WNT9B: variants seen among roughly 807,000 people sequenced by gnomAD.
WNT9B encodes Wnt family member 9B.
WNT9B carries 12 observed loss-of-function variants against 30.2 expected under a neutral mutation model. That is an observed-to-expected ratio of 0.40 (90% CI 0.26 to 0.64). The LOEUF is 0.64. Among genes scored for constraint, WNT9B ranks in the 30% least tolerant of loss-of-function variants. WNT9B has a pLI of 0.42. For synonymous variants in WNT9B, 218 were observed against 216.9 expected (o/e 1.01, Z -0.05); for missense variants, 442 against 485.2 (o/e 0.91, Z 0.84).
intron 1 of WNT9B, among the ~76,000 whole-genome samples, chr17:46,839,918 T>TTC (rs1184271191): frequency 5.3e-5 from 4 of 76,100 alleles, no homozygotes; most frequent in African/African-American, 1.1e-4. Context: ...TCTCTTTTCT[T>TTC]TCTTTCTTTC....
In WNT9B at chr17:46,851,731, G is replaced by T; in HGVS notation, c.77+16G>T. The stretch of plus-strand genomic sequence containing the variant: ...CCTACTTCGGGTCAGTGCCCGCCGC[G>T]CCCCCCGCCCGCTCCCCGGCCTGCC... On this transcript the variant is annotated intron_variant, in intron 1 of 3. Transcript: ENST00000290015. This position sits in a 1 kb window ranked among gnomAD's most constrained non-coding sequence, Gnocchi z 4.3. The T allele has an allele frequency of 8.0e-7, 1 of 1,248,750 alleles. No individual in the cohort carries two copies. Among genetic ancestry groups the T allele is most frequent in the Non-Finnish European group, 1.0e-6 (1 of 994,254 alleles). The allele number at this position is 1,248,750 out of a possible 1,614,324, so 77.4% of individuals were successfully genotyped here.
At chr17:46,856,907 C>T (rs866094024) in intron 1 of WNT9B, among the ~76,000 whole-genome samples, 3 of 152,200 alleles carry the variant, frequency 2.0e-5, no homozygotes, top group African/African-American at 7.2e-5. Flanking sequence ...CTTTGTTCCT[C>T]TTTGCAATCA....
At chr17:46,874,419 C>T (rs2085308230) in intron 2 of WNT9B, among the ~76,000 whole-genome samples, 1 of 152,138 alleles carries the variant, frequency 6.6e-6, no homozygotes, top group Non-Finnish European at 1.5e-5. Context: ...CAGGTTTAGC[C>T]CCAACTGTGC....
At chr17:46,886,589 T>C (rs2085491513) in exon 5 of WNT9B, 1 of 152,020 alleles carries the variant, frequency 6.6e-6, no homozygotes, top group Non-Finnish European at 1.5e-5. Flanking sequence ...CTGTAACCAA[T>C]TAAGCTGTAT....
At chr17:46,841,673 G>A (rs536475946) in intron 1 of WNT9B, among the ~76,000 whole-genome samples, 94 of 152,316 alleles carry the variant, frequency 6.2e-4, no homozygotes, top group African/African-American at 2.2e-3. Flanking sequence ...GGGCTGGCCG[G>A]GAGCAGGACC....
At position 46,879,693 on chromosome 17, in the gene WNT9B, A is replaced by C. The variant is rs1478916985; in HGVS notation, c.*2975A>C. On this transcript the variant is annotated 3_prime_UTR_variant, in exon 4 of 4. Transcript: ENST00000290015. The stretch of plus-strand genomic sequence containing the variant: ...ATGAATATTTACTGAACATCTCCAT[A>C]GACCAGGCACTACGGGCTGACCTGC... 6.6e-6 allele frequency among the ~76,000 whole-genome samples: 1 copy of C among 152,268 alleles called. No homozygotes were observed. Among genetic ancestry groups the C allele is most frequent in the Non-Finnish European group, 1.5e-5 (1 of 68,046 alleles).
rs934878297 is a variant in WNT9B, at chr17:46,851,710, C to T, written c.72C>T (p.Tyr24=). Residue 24 remains tyrosine, a synonymous_variant, in exon 1 of 4, where the codon TAC becomes TAT. Transcript: ENST00000290015. The surrounding 1 kb of genome is among the most constrained non-coding windows in gnomAD (Gnocchi z 4.3). ...CGCTGCCCGCCGCCGCCGCCTCCTA[C>T]TTCGGGTCAGTGCCCGCCGCGCCCC... The part of the protein sequence containing the change: ...LLALPAAAAS[Y]FGLTGREVLT... 9.2e-6 allele frequency: 12 copies of T among 1,308,050 alleles called. No homozygotes were observed. The highest frequency in any genetic ancestry group is 1.2e-5 in the Non-Finnish European group (12 of 1,032,802). 81.0% of individuals were successfully genotyped at this position (1,308,050 alleles called of 1,614,324 possible). A position where few individuals can be genotyped will look rare whatever the true frequency, so the allele number is the denominator to read the frequency against.
chr17:46,858,981 T>TC (rs2084987517), intron 1 of WNT9B, among the ~76,000 whole-genome samples: 2 of 150,336 alleles, frequency 1.3e-5, no homozygotes, highest in Admixed American at 6.6e-5. Context: ...ATTTTAGCTT[T>TC]TTTTTTTTTT....
Position 46,869,102 on chromosome 17 carries a change from C to A in WNT9B, c.78-3415C>A, listed in dbSNP as rs141453669. On this transcript the variant is annotated intron_variant, in intron 1 of 3. Coordinates refer to ENST00000290015, the MANE Select transcript of WNT9B (RefSeq NM_003396.3). ...GGGTTCCCGAGGCAGTGCCAGGGAG[C>A]CTTCTTTGAGAGCAGCCCTGGGCAG... Among the ~76,000 whole-genome samples the A allele has an allele frequency of 9.1e-3, 1,390 of 152,258 alleles. 17 individuals are homozygous for A. The highest frequency in any genetic ancestry group is 0.032 in the African/African-American group (1,330 of 41,538).
intron 1 of WNT9B, among the ~76,000 whole-genome samples, chr17:46,846,161 A>G (rs1001969959): frequency 6.6e-6 from 1 of 152,172 alleles, no homozygotes; most frequent in Non-Finnish European, 1.5e-5. Context: ...ACAGAACTGG[A>G]CTGCTCAAAG....
chr17:46,875,613 C>A lies in WNT9B; in HGVS notation c.600+247C>A, dbSNP rs557422182. ...GTGTCATTGGTGGAAGCAGTGGTCA[C>A]CAGTGGGAGCCAGGCTTAGGACTAG... On this transcript the variant is annotated intron_variant, in intron 3 of 3. Coordinates refer to ENST00000290015, the MANE Select transcript of WNT9B (RefSeq NM_003396.3). Among the ~76,000 whole-genome samples, 256 of 152,314 alleles carry A rather than the reference C, an allele frequency of 1.7e-3. 2 individuals carry two copies. The highest frequency in any genetic ancestry group is 5.0e-4 in the Non-Finnish European group (34 of 68,038).
chr17:46,834,840 T>C (rs1267999771), intron 1 of WNT9B, among the ~76,000 whole-genome samples: 1 of 152,190 alleles, frequency 6.6e-6, no homozygotes, highest in Non-Finnish European at 1.5e-5. Flanking sequence ...TCTGTTTCTC[T>C]AGCTTGTTCA....
downstream of WNT9B, among the ~76,000 whole-genome samples, chr17:46,882,151 G>A (rs909160693): frequency 6.6e-6 from 1 of 152,138 alleles, no homozygotes; most frequent in African/African-American, 2.4e-5. Context: ...GTGAGACCCT[G>A]TCTCTAAAAA....
intron 2 of WNT9B, chr17:46,874,820 C>T (rs1219251415): frequency 4.6e-5 from 26 of 568,822 alleles, no homozygotes; most frequent in Admixed American, 1.2e-4. Flanking sequence ...TCAAATGATC[C>T]GCCCGCCTTG....
intron 2 of WNT9B, among the ~76,000 whole-genome samples, chr17:46,874,045 G>C (rs925073971): frequency 6.6e-6 from 1 of 151,702 alleles, no homozygotes; most frequent in Admixed American, 6.6e-5. Flanking sequence ...GCCCCTCCTA[G>C]GCCAGCTGCT....
At chr17:46,863,834 C>A (rs2085084778) in intron 1 of WNT9B, among the ~76,000 whole-genome samples, 1 of 152,118 alleles carries the variant, frequency 6.6e-6, no homozygotes, top group Non-Finnish European at 1.5e-5. Flanking sequence ...GTTCTATTCC[C>A]AAGGGAGCCG....
intron 1 of WNT9B, among the ~76,000 whole-genome samples, chr17:46,862,213 A>G (rs2085052701): frequency 6.6e-6 from 1 of 151,958 alleles, no homozygotes; most frequent in Admixed American, 6.6e-5. Context: ...GAAAAGTAAT[A>G]TAGGAGGTAG....
chr17:46,842,525 C>A (rs1323032342), intron 1 of WNT9B, among the ~76,000 whole-genome samples: 2 of 152,126 alleles, frequency 1.3e-5, no homozygotes, highest in Non-Finnish European at 2.9e-5. Context: ...CAGGTGCATA[C>A]CACCATGCCC....
intron 2 of WNT9B, among the ~76,000 whole-genome samples, chr17:46,873,231 CTTTG>C (rs1353098798): frequency 6.6e-6 from 1 of 152,048 alleles, no homozygotes; most frequent in Non-Finnish European, 1.5e-5. Flanking sequence ...TTATCTGTCC[CTTTG>C]TTTGTCACAT....
Sources: allele counts gnomAD v4.1 joint callset (sites outside exome capture counted in the v4.1 genomes callset), GRCh38; gene constraint gnomAD v4.1.1; non-coding constraint Gnocchi (gnomAD v3.1); transcripts MANE v1.5; gene names NCBI Gene and HGNC (gene_info 2026-07-23, HGNC 2026-07-21).